The following SEMA3E variants were observed in gnomAD, a reference collection of about 807,000 sequenced individuals.
SEMA3E encodes semaphorin 3E.
SEMA3E carries 49 observed loss-of-function variants against 93.6 expected under a neutral mutation model. The observed-to-expected ratio is 0.52, with a 90% CI of 0.42 to 0.66. The LOEUF (loss-of-function observed/expected upper bound fraction) is 0.66. Ranked by LOEUF, SEMA3E falls within the 30% of genes least tolerant of loss-of-function variation. The pLI, the probability that SEMA3E is intolerant of heterozygous loss-of-function variation, is 0.00. For missense variants in SEMA3E, 906 were observed against 964.8 expected (o/e 0.94, Z 0.81); for synonymous variants, 363 against 330.7 (o/e 1.10, Z -1.06).
intron 2 of SEMA3E, among the ~76,000 whole-genome samples, chr7:83,479,752 C>T (rs185916881): frequency 3.2e-4 from 49 of 152,284 alleles, no homozygotes; most frequent in African/African-American, 1.2e-3. Flanking sequence ...AGGTAGTGTT[C>T]AGATGGGAGC....
intron 1 of SEMA3E, among the ~76,000 whole-genome samples, chr7:83,510,352 T>C (rs1043293263): frequency 1.3e-5 from 2 of 152,244 alleles, no homozygotes; most frequent in African/African-American, 2.4e-5. Context: ...TTTTGGTCTA[T>C]ATCTTTTCAC....
intron 4 of SEMA3E, among the ~76,000 whole-genome samples, chr7:83,419,334 T>A (rs532402112): frequency 2.0e-5 from 3 of 152,302 alleles, no homozygotes; most frequent in Admixed American, 6.5e-5. Context: ...GTCTTTGCTA[T>A]TGTGAATAAT....
intron 1 of SEMA3E, among the ~76,000 whole-genome samples, chr7:83,599,578 T>C (rs927242494): frequency 6.6e-6 from 1 of 152,202 alleles, no homozygotes; most frequent in South Asian, 2.1e-4. Flanking sequence ...ATACTCAAGA[T>C]GAATACAATG....
At position 83,648,629 on chromosome 7, in the gene SEMA3E, C is replaced by A; in HGVS notation, c.-87G>T. ...AGGACTTCCCTCCAGGGGCAGCGTG[C>A]GAGAGGCTTTGTCAGAAATCGAACG... On this transcript the variant is annotated 5_prime_UTR_variant, in exon 1 of 17. Transcript: ENST00000643230. The A allele has an allele frequency of 1.0e-6, 1 of 956,240 alleles. No homozygotes were observed. Among genetic ancestry groups the A allele is most frequent in the South Asian group, 1.4e-5 (1 of 73,324 alleles). 59.2% of individuals were successfully genotyped at this position (956,240 alleles called of 1,614,324 possible).
chr7:83,599,884 T>G (rs374208983), intron 1 of SEMA3E, among the ~76,000 whole-genome samples: 1 of 152,330 alleles, frequency 6.6e-6, no homozygotes, highest in South Asian at 2.1e-4. Flanking sequence ...GTTTGAAATG[T>G]TAGAGGCGGA....
At chr7:83,401,915 A>T (rs1245285251) in intron 10 of SEMA3E, among the ~76,000 whole-genome samples, 1 of 152,040 alleles carries the variant, frequency 6.6e-6, no homozygotes, top group African/African-American at 2.4e-5. Flanking sequence ...AGGATGAATG[A>T]TACAAAATCA....
At chr7:83,581,600 G>T (rs1459728748) in intron 1 of SEMA3E, among the ~76,000 whole-genome samples, 1 of 151,932 alleles carries the variant, frequency 6.6e-6, no homozygotes. Context: ...TTTGCACCAT[G>T]GAAAAGCAAT....
At chr7:83,532,412 T>C (rs568091695) in intron 1 of SEMA3E, among the ~76,000 whole-genome samples, 1 of 152,286 alleles carries the variant, frequency 6.6e-6, no homozygotes, top group African/African-American at 2.4e-5. Context: ...CATTCTACTT[T>C]TAGAGAGAAG....
intron 4 of SEMA3E, among the ~76,000 whole-genome samples, chr7:83,449,160 C>T (rs62460808): frequency 0.1 from 15,598 of 151,500 alleles, 965 homozygotes; most frequent in Non-Finnish European, 0.14. Flanking sequence ...AGTGCAGTGG[C>T]GTAATCTTGG....
chr7:83,449,732 T>TTTCTCACC (rs1323527558), intron 4 of SEMA3E, among the ~76,000 whole-genome samples: 1 of 152,162 alleles, frequency 6.6e-6, no homozygotes, highest in African/African-American at 2.4e-5. Context: ...CTGTTTCTCT[T>TTTCTCACC]TTCTCACCCC....
chr7:83,400,282 T>C (rs780818360), intron 10 of SEMA3E, 32 bp from the exon 11 acceptor site: 1 of 1,593,822 alleles, frequency 6.3e-7, no homozygotes, highest in South Asian at 1.1e-5. Flanking sequence ...TAATTCTTTT[T>C]GCTTTACACC....
intron 1 of SEMA3E, among the ~76,000 whole-genome samples, chr7:83,517,054 T>C (rs1053054727): frequency 3.9e-4 from 59 of 152,160 alleles, no homozygotes; most frequent in African/African-American, 1.4e-3. Flanking sequence ...CCCTTGTGAC[T>C]ACCAAAATGA....
At chr7:83,406,355 G>GAT (rs896019047) in intron 7 of SEMA3E, among the ~76,000 whole-genome samples, 3 of 151,890 alleles carry the variant, frequency 2.0e-5, no homozygotes, top group African/African-American at 7.3e-5. Flanking sequence ...ATAGTGGAGA[G>GAT]ATACAGTAAT....
At chr7:83,467,667 CTG>C (rs1373658418) in intron 3 of SEMA3E, among the ~76,000 whole-genome samples, 1 of 152,146 alleles carries the variant, frequency 6.6e-6, no homozygotes, top group African/African-American at 2.4e-5. Flanking sequence ...ATGTGTGGGG[CTG>C]TGTTCAAATA....
intron 5 of SEMA3E, among the ~76,000 whole-genome samples, chr7:83,412,400 AT>A (rs1788453984): frequency 6.6e-6 from 1 of 152,124 alleles, no homozygotes; most frequent in African/African-American, 2.4e-5. Context: ...ATAATTAAAT[AT>A]ATCAGAAGTT....
intron 1 of SEMA3E, among the ~76,000 whole-genome samples, chr7:83,530,309 A>T (rs1444093031): frequency 6.6e-6 from 1 of 152,206 alleles, no homozygotes; most frequent in Non-Finnish European, 1.5e-5. Context: ...TTAAATAACC[A>T]GTAGCAGAAC....
chr7:83,444,123 A>G (rs534373576), intron 4 of SEMA3E, among the ~76,000 whole-genome samples: 1 of 152,290 alleles, frequency 6.6e-6, no homozygotes, highest in South Asian at 2.1e-4. Context: ...AGAGGTTGAG[A>G]TAAGCTTAAT....
chr7:83,612,962 T>G (rs1793295995), intron 1 of SEMA3E, among the ~76,000 whole-genome samples: 2 of 152,260 alleles, frequency 1.3e-5, no homozygotes, highest in South Asian at 4.1e-4. Context: ...GTACAGACAC[T>G]GAATTTGAAT....
At chr7:83,372,121 G>A (rs1794757500) in intron 16 of SEMA3E, 1 of 393,964 alleles carries the variant, frequency 2.5e-6, no homozygotes, top group Admixed American at 4.4e-5. Context: ...GCACAAACAT[G>A]TATAGCAATG....
Sources: allele counts gnomAD v4.1 joint callset (sites outside exome capture counted in the v4.1 genomes callset), GRCh38; gene constraint gnomAD v4.1.1; transcripts MANE v1.5; gene names NCBI Gene and HGNC (gene_info 2026-07-23, HGNC 2026-07-21).